LMF1: variants seen among roughly 807,000 people sequenced by gnomAD.
LMF1 encodes the protein lipase maturation factor 1.
A neutral mutation model predicts 60.6 loss-of-function variants in LMF1; 68 were observed. The ratio of observed to expected loss-of-function variants is 1.12; its 90% CI spans 0.92 to 1.37. The LOEUF (loss-of-function observed/expected upper bound fraction) is 1.37, where lower values mean the gene tolerates loss of function less well. Ranked by LOEUF, LMF1 falls within the 40% of genes most tolerant of loss-of-function variation. The pLI is 0.00. For missense variants in LMF1, 948 were observed against 767.2 expected, an observed-to-expected ratio of 1.24 and a Z score of -2.78; for synonymous variants, 418 against 324.7, an observed-to-expected ratio of 1.29 and a Z score of -3.09.
chr16:898,686 A>G (rs2070728309), intron 4 of LMF1, among the ~76,000 whole-genome samples: 1 of 152,202 alleles, frequency 6.6e-6, no homozygotes, highest in Admixed American at 6.5e-5. Flanking sequence ...AGGGCAGTTC[A>G]TCTCCGAAGC....
intron 3 of LMF1, among the ~76,000 whole-genome samples, chr16:918,723 G>A (rs113105703): frequency 0.056 from 7,963 of 141,420 alleles, 231 homozygotes; most frequent in Non-Finnish European, 0.072. Flanking sequence ...AGCCTGCGTG[G>A]CTGAGAAGCA....
intron 10 of LMF1, among the ~76,000 whole-genome samples, chr16:863,268 G>T (rs1052569438): frequency 4.6e-5 from 7 of 152,150 alleles, no homozygotes; most frequent in African/African-American, 1.4e-4. Flanking sequence ...AGCCTCCCAA[G>T]TAGCTGGGAC....
At chr16:976,635 G>A (rs1288991582) in intron 1 of LMF1, 1 of 454,068 alleles carries the variant, frequency 2.2e-6, no homozygotes, top group Non-Finnish European at 4.4e-6. Context: ...AATGCGTGCT[G>A]TTGGCGCCCC....
intron 1 of LMF1, chr16:976,774 G>C (rs545062417): frequency 2.2e-6 from 1 of 454,168 alleles, no homozygotes; most frequent in East Asian, 6.9e-5. Flanking sequence ...ATCTGGGCGT[G>C]CACCTGTCAC....
intron 3 of LMF1, among the ~76,000 whole-genome samples, chr16:924,748 T>C (rs2071546070): frequency 6.6e-6 from 1 of 152,054 alleles, no homozygotes; most frequent in Admixed American, 6.5e-5. Context: ...TAAACCACTT[T>C]CTCCCAGAAA....
chr16:967,279 G>A (rs952853611), intron 1 of LMF1, among the ~76,000 whole-genome samples: 1 of 152,224 alleles, frequency 6.6e-6, no homozygotes, highest in Non-Finnish European at 1.5e-5. Context: ...CGTACTGCAG[G>A]GTTGACCAGT....
intron 5 of LMF1, among the ~76,000 whole-genome samples, chr16:890,347 A>G (rs1596918957): frequency 2.0e-5 from 3 of 152,162 alleles, no homozygotes; most frequent in Non-Finnish European, 2.9e-5. Flanking sequence ...GGGCTCCCTC[A>G]TGCCTTTTCA....
At position 977,498 on chromosome 16, in the gene LMF1, C is replaced by A. The variant is rs2073182140; in HGVS notation, c.-135+3647G>T. Among the ~76,000 whole-genome samples, 4 of 152,342 alleles carry A rather than the reference C, an allele frequency of 2.6e-5. No homozygotes were observed. The South Asian group carries it at 8.3e-4, about 32-fold the overall frequency. On this transcript the variant is annotated intron_variant, in intron 1 of 6. Transcript: ENST00000570014. ...TAAAAGCACCAATTAATCTCCCAGGCCGTGCCAGGACGCTGCCAACTGCCC... is the reference window on the plus strand; with the variant it reads ...TAAAAGCACCAATTAATCTCCCAGGACGTGCCAGGACGCTGCCAACTGCCC...
chr16:878,055 C>G lies in LMF1; in HGVS notation c.897+1515G>C, dbSNP rs547367686. Among the ~76,000 whole-genome samples the G allele has an allele frequency of 6.6e-6, 1 of 151,804 alleles. No individual in the cohort carries two copies. Among genetic ancestry groups the G allele is most frequent in the African/African-American group, 2.4e-5 (1 of 41,356 alleles). ...ACACATGGGGTCTGGCTACACGGAA[C>G]CGACTGAAGCTATTCCAGGAGCCCC... On this transcript the variant is annotated intron_variant, in intron 6 of 10. Coordinates refer to ENST00000262301, the MANE Select transcript of LMF1 (RefSeq NM_022773.4). The surrounding 1 kb of genome is among the most constrained non-coding windows in gnomAD (Gnocchi z 5.2).
At chr16:854,900 T>C (rs1420978120) in intron 10 of LMF1, 194 bp from the exon 11 acceptor site, 4 of 635,324 alleles carry the variant, frequency 6.3e-6, no homozygotes, top group African/African-American at 1.8e-5. Flanking sequence ...GTCGGCACCC[T>C]CAGCAGTGAA....
At chr16:862,562 A>G (rs1241712665) in intron 10 of LMF1, among the ~76,000 whole-genome samples, 1 of 152,186 alleles carries the variant, frequency 6.6e-6, no homozygotes, top group Non-Finnish European at 1.5e-5. Context: ...CACTAGCTTC[A>G]TAAAATAAAT....
chr16:948,728 T>TCAGAGCCAAC (rs1376466921), intron 2 of LMF1, among the ~76,000 whole-genome samples: 2,443 of 66,490 alleles, frequency 0.037, 595 homozygotes, highest in African/African-American at 0.043. Flanking sequence ...AGTCAGCCAA[T>TCAGAGCCAAC]GACAGAGTCA....
chr16:888,990 C>G (rs550709914), intron 5 of LMF1, among the ~76,000 whole-genome samples: 2 of 152,324 alleles, frequency 1.3e-5, no homozygotes, highest in East Asian at 1.9e-4. Flanking sequence ...GGACATGGCT[C>G]TGGTCCCTCT....
At position 938,245 on chromosome 16, in the gene LMF1, G is replaced by T. The variant is rs569260609; in HGVS notation, c.504-3991C>A. Among the ~76,000 whole-genome samples, 23 of 152,344 alleles carry T rather than the reference G, an allele frequency of 1.5e-4. No individual in the cohort carries two copies. The East Asian group carries it at 4.3e-3, about 28-fold the overall frequency. ...AGGGCCATGGCCTGCCTGGCACAGG[G>T]AAGCGCTAGACTGAACAGTGGCTTG... On this transcript the variant is annotated intron_variant, in intron 2 of 10. Coordinates refer to ENST00000262301, the MANE Select transcript of LMF1 (RefSeq NM_022773.4).
At chr16:860,542 C>T (rs898983777) in intron 10 of LMF1, among the ~76,000 whole-genome samples, 6 of 151,936 alleles carry the variant, frequency 3.9e-5, no homozygotes, top group African/African-American at 1.5e-4. Context: ...GGTTTTGCCA[C>T]GTTGCTCAGG....
Position 953,843 on chromosome 16 carries a change from ACCCCAAACCAGC to A in LMF1, c.503+502_503+513del, listed in dbSNP as rs2072570032. 1.9e-4 allele frequency among the ~76,000 whole-genome samples: 6 copies of A among 31,128 alleles called. 3 individuals carry two copies. Among genetic ancestry groups the A allele is most frequent in the South Asian group, 3.0e-3 (2 of 660 alleles). 20.4% of individuals were successfully genotyped at this position (31,128 alleles called of 152,430 possible). On this transcript the variant is annotated intron_variant, in intron 2 of 10. Transcript: ENST00000262301. The stretch of plus-strand genomic sequence containing the variant: ...CTCCTACATGTCCACACAGACACCC[ACCCCAAACCAGC>A]CTCCTACACGTCCACACAGACACCC...
chr16:888,270 G>A (rs2070371306), intron 5 of LMF1, among the ~76,000 whole-genome samples: 1 of 152,222 alleles, frequency 6.6e-6, no homozygotes, highest in Non-Finnish European at 1.5e-5. Context: ...CTGGGAAGTG[G>A]CTCCGAAAGG....
At chr16:934,101 C>T (rs1416486959) in intron 3 of LMF1, 143 bp downstream of exon 3, 1 of 1,542,236 alleles carries the variant, frequency 6.5e-7, no homozygotes, top group Non-Finnish European at 8.7e-7. Flanking sequence ...ATCACAAGCG[C>T]CCATCACTGC....
intron 1 of LMF1, among the ~76,000 whole-genome samples, chr16:960,261 A>C (rs574973781): frequency 2.4e-4 from 37 of 151,852 alleles, no homozygotes; most frequent in Non-Finnish European, 4.4e-4. Flanking sequence ...GCAAACTCAC[A>C]GTGACAGCAC....
Sources: gnomAD v4.1 joint callset for allele counts (sites outside exome capture counted in the v4.1 genomes callset) on GRCh38, gnomAD v4.1.1 for gene constraint, Gnocchi (gnomAD v3.1) non-coding constraint, MANE v1.5 for transcripts, NCBI Gene and HGNC (gene_info 2026-07-23, HGNC 2026-07-21) for gene names.